Variants in SLC45A2 observed in about 807,000 individuals in gnomAD.
SLC45A2 encodes the protein solute carrier family 45 member 2, also known as membrane-associated transporter protein.
SLC45A2 carries 36 observed loss-of-function variants against 45.5 expected under a neutral mutation model. The observed-to-expected ratio is 0.79, with a 90% CI of 0.61 to 1.04. SLC45A2 has a LOEUF of 1.04. SLC45A2 is among the 50% of genes least tolerant of loss of function. The pLI, the probability that SLC45A2 is intolerant of heterozygous loss-of-function variation, is 0.00. For missense variants in SLC45A2, 719 were observed against 671.0 expected, an observed-to-expected ratio of 1.07 and a Z score of -0.79; for synonymous variants, 306 against 269.3, an observed-to-expected ratio of 1.14 and a Z score of -1.33.
intron 2 of SLC45A2, among the ~76,000 whole-genome samples, chr5:33,978,774 C>CA (rs1237396229): frequency 6.6e-6 from 1 of 152,154 alleles, no homozygotes; most frequent in East Asian, 1.9e-4. Flanking sequence ...AGCTATAACT[C>CA]AAACAACTTG....
intron 3 of SLC45A2, among the ~76,000 whole-genome samples, chr5:33,956,129 T>C (rs1561360135): frequency 6.6e-6 from 1 of 152,166 alleles, no homozygotes; most frequent in Non-Finnish European, 1.5e-5. Context: ...GCAGAAACAA[T>C]AGTCAACACC....
At chr5:33,983,563 C>T (rs1182895229) in intron 1 of SLC45A2, among the ~76,000 whole-genome samples, 2 of 152,220 alleles carry the variant, frequency 1.3e-5, no homozygotes, top group African/African-American at 4.8e-5. Context: ...TAATGATCTA[C>T]AAATGTGTGC....
intron 2 of SLC45A2, among the ~76,000 whole-genome samples, chr5:33,976,028 A>G (rs1752920384): frequency 6.6e-6 from 1 of 152,208 alleles, no homozygotes; most frequent in Non-Finnish European, 1.5e-5. Context: ...TGGCTCTGAC[A>G]TCTAGCAGCT....
intron 2 of SLC45A2, among the ~76,000 whole-genome samples, chr5:33,966,295 T>G (rs1035880211): frequency 5.3e-5 from 8 of 152,172 alleles, no homozygotes; most frequent in Non-Finnish European, 7.3e-5. Flanking sequence ...TAAACATGTA[T>G]CGAACACTAA....
intron 1 of SLC45A2, among the ~76,000 whole-genome samples, chr5:33,983,323 T>C (rs968501712): frequency 1.3e-5 from 2 of 152,204 alleles, no homozygotes; most frequent in Non-Finnish European, 2.9e-5. Context: ...GCATAGATTA[T>C]ATACACGTTT....
intron 3 of SLC45A2, among the ~76,000 whole-genome samples, chr5:33,955,195 T>C (rs1322387944): frequency 1.3e-5 from 2 of 152,058 alleles, no homozygotes; most frequent in South Asian, 2.1e-4. Flanking sequence ...GAGAGTGACA[T>C]TTAGGGGCTG....
At chr5:33,945,016 T>C in intron 6 of SLC45A2, 144 bp from the exon 7 acceptor site, 1 of 788,952 alleles carries the variant, frequency 1.3e-6, no homozygotes, top group East Asian at 2.7e-5. Context: ...ACTACTCAAC[T>C]CTGCTGCTGT....
intron 2 of SLC45A2, chr5:33,971,401 A>G (rs550001124): frequency 9.9e-5 from 46 of 465,164 alleles, no homozygotes; most frequent in African/African-American, 8.1e-4. Context: ...CTCTTGGCAC[A>G]CAAGCTATTG....
At chr5:33,959,218 C>CA (rs898050878) in intron 3 of SLC45A2, among the ~76,000 whole-genome samples, 8 of 151,930 alleles carry the variant, frequency 5.3e-5, no homozygotes, top group African/African-American at 1.9e-4. Flanking sequence ...TGTTTTCTCC[C>CA]AAAAAAAGAT....
At chr5:33,974,912 T>C (rs997747013) in intron 2 of SLC45A2, among the ~76,000 whole-genome samples, 4 of 151,936 alleles carry the variant, frequency 2.6e-5, no homozygotes, top group African/African-American at 9.7e-5. Flanking sequence ...ATGTGCAGGT[T>C]TGTACACACA....
chr5:33,955,760 A>T (rs1278317695), intron 3 of SLC45A2, among the ~76,000 whole-genome samples: 7 of 152,188 alleles, frequency 4.6e-5, no homozygotes, highest in Admixed American at 3.9e-4. Context: ...ATATAAACTC[A>T]TACTAACTTG....
At chr5:33,977,369 T>C (rs1373443355) in intron 2 of SLC45A2, among the ~76,000 whole-genome samples, 4 of 152,250 alleles carry the variant, frequency 2.6e-5, no homozygotes, top group Non-Finnish European at 5.9e-5. Context: ...GCAGCCTCAA[T>C]GGTCTCTTCC....
At chr5:33,950,074 G>T (rs1752052619) in intron 5 of SLC45A2, among the ~76,000 whole-genome samples, 1 of 152,034 alleles carries the variant, frequency 6.6e-6, no homozygotes, top group African/African-American at 2.4e-5. Context: ...GCATGTGCTT[G>T]TGGTCCCGGG....
At chr5:33,971,982 T>A (rs1021565786) in intron 2 of SLC45A2, 1 of 452,172 alleles carries the variant, frequency 2.2e-6, no homozygotes, top group Non-Finnish European at 4.4e-6. Context: ...GGTGCCCAGG[T>A]CCACCTGCCT....
intron 2 of SLC45A2, among the ~76,000 whole-genome samples, chr5:33,976,274 A>C (rs1314999158): frequency 6.6e-6 from 1 of 152,234 alleles, no homozygotes; most frequent in Non-Finnish European, 1.5e-5. Flanking sequence ...CAAAAAGATC[A>C]TTAAAGTGCA....
At chr5:33,974,015 C>A (rs919472024) in intron 2 of SLC45A2, among the ~76,000 whole-genome samples, 6 of 152,198 alleles carry the variant, frequency 3.9e-5, no homozygotes, top group African/African-American at 1.4e-4. Flanking sequence ...TCCCAGCCTC[C>A]CGCCAAGCAA....
chr5:33,972,670 G>A (rs1752822077), intron 2 of SLC45A2: 2 of 152,996 alleles, frequency 1.3e-5, no homozygotes, highest in African/African-American at 2.4e-5. Context: ...GGCTTAATGT[G>A]AAAGTGAAGT....
chr5:33,969,834 C>A (rs1223814602), intron 2 of SLC45A2, among the ~76,000 whole-genome samples: 2 of 152,126 alleles, frequency 1.3e-5, no homozygotes, highest in African/African-American at 4.8e-5. Flanking sequence ...TGCCTCATTT[C>A]CTGGTCAGAC....
At chr5:33,951,123 G>A (rs1003870197) in intron 5 of SLC45A2, among the ~76,000 whole-genome samples, 1 of 152,188 alleles carries the variant, frequency 6.6e-6, no homozygotes, top group African/African-American at 2.4e-5. Flanking sequence ...TCTGAGCTAA[G>A]GTCATTTTGC....
Sources: allele counts gnomAD v4.1 joint callset (sites outside exome capture counted in the v4.1 genomes callset), GRCh38; gene constraint gnomAD v4.1.1; transcripts MANE v1.5; gene names NCBI Gene and HGNC (gene_info 2026-07-23, HGNC 2026-07-21).